Variants in KAZN observed in about 807,000 individuals in gnomAD.
KAZN encodes kazrin, periplakin interacting protein.
A neutral mutation model predicts 87.4 loss-of-function variants in KAZN; 40 were observed. That is an observed-to-expected ratio of 0.46 (90% CI 0.36 to 0.60). The LOEUF (loss-of-function observed/expected upper bound fraction) is 0.60, where lower values mean the gene tolerates loss of function less well. Ranked by LOEUF, KAZN falls within the 20% of genes least tolerant of loss-of-function variation. KAZN has a pLI of 0.00. For synonymous variants in KAZN, 466 were observed against 458.3 expected (o/e 1.02, Z -0.22); for missense variants, 898 against 1,073.9 (o/e 0.84, Z 2.29).
chr1:14,027,055 G>A (rs1056191476), intron 1 of KAZN, among the ~76,000 whole-genome samples: 5 of 152,156 alleles, frequency 3.3e-5, no homozygotes, highest in African/African-American at 7.2e-5. Context: ...CATGAAAACC[G>A]TCTTGACATC....
chr1:14,072,633 G>A (rs978185073), intron 1 of KAZN, among the ~76,000 whole-genome samples: 9 of 152,118 alleles, frequency 5.9e-5, no homozygotes, highest in African/African-American at 2.2e-4. Context: ...GGTGAGAGGC[G>A]GCTGAGGAAA....
intron 2 of KAZN, among the ~76,000 whole-genome samples, chr1:14,211,805 A>G (rs1191864907): frequency 6.6e-6 from 1 of 151,976 alleles, no homozygotes; most frequent in East Asian, 1.9e-4. Flanking sequence ...ACCACTTGTT[A>G]TAGTTCTTAA....
chr1:15,024,541 G>A (rs1670991980), intron 2 of KAZN, among the ~76,000 whole-genome samples: 1 of 152,210 alleles, frequency 6.6e-6, no homozygotes, highest in African/African-American at 2.4e-5. Context: ...TTCAATAGAG[G>A]GCACATGCCA....
At chr1:14,419,156 C>G (rs1157857269) in intron 2 of KAZN, among the ~76,000 whole-genome samples, 1 of 152,204 alleles carries the variant, frequency 6.6e-6, no homozygotes, top group Admixed American at 6.5e-5. Context: ...CCAGCATAAA[C>G]CAGGCACTGT....
At chr1:14,664,325 CGGG>C (rs1639374870) in intron 1 of KAZN, among the ~76,000 whole-genome samples, 1 of 152,030 alleles carries the variant, frequency 6.6e-6, no homozygotes, top group South Asian at 2.1e-4. Context: ...CCCAGCTACT[CGGG>C]AGGCTGAGGC....
At chr1:14,509,237 G>C (rs1435118296) in intron 2 of KAZN, among the ~76,000 whole-genome samples, 1 of 152,170 alleles carries the variant, frequency 6.6e-6, no homozygotes, top group Non-Finnish European at 1.5e-5. Flanking sequence ...ACGTATCATT[G>C]CATTTAGTTT....
At chr1:14,229,974 C>T (rs1424672785) in intron 2 of KAZN, among the ~76,000 whole-genome samples, 1 of 152,252 alleles carries the variant, frequency 6.6e-6, no homozygotes, top group African/African-American at 2.4e-5. Flanking sequence ...CCTCCAGACC[C>T]ACGTTCTCCG....
At chr1:14,440,035 T>G (rs544473282) in intron 2 of KAZN, among the ~76,000 whole-genome samples, 37 of 152,292 alleles carry the variant, frequency 2.4e-4, no homozygotes, top group South Asian at 4.1e-4. Context: ...TCTCCCCCTC[T>G]AAGAGGTTAC....
chr1:14,772,720 G>A (rs570022223), intron 1 of KAZN, among the ~76,000 whole-genome samples: 3 of 152,128 alleles, frequency 2.0e-5, no homozygotes, highest in South Asian at 2.1e-4. Context: ...GCATTTCCAC[G>A]AATATCTAGA....
At chr1:14,414,854 G>A (rs536094892) in intron 2 of KAZN, among the ~76,000 whole-genome samples, 9 of 152,048 alleles carry the variant, frequency 5.9e-5, no homozygotes, top group South Asian at 2.1e-4. Context: ...GTGAAACCCC[G>A]TCTCTACTAA....
At chr1:14,322,127 T>G (rs374587917) in intron 2 of KAZN, among the ~76,000 whole-genome samples, 11 of 152,196 alleles carry the variant, frequency 7.2e-5, no homozygotes, top group African/African-American at 2.6e-4. Context: ...TCTGAAAAAC[T>G]TGGTCTAAAA....
chr1:14,487,689 G>A (rs1480345140), intron 2 of KAZN, among the ~76,000 whole-genome samples: 2 of 152,230 alleles, frequency 1.3e-5, no homozygotes, highest in African/African-American at 2.4e-5. Context: ...AATACCTTTC[G>A]GAGGCTAGAG....
chr1:14,495,496 C>T (rs1198363264), intron 2 of KAZN, among the ~76,000 whole-genome samples: 5 of 152,190 alleles, frequency 3.3e-5, no homozygotes, highest in Admixed American at 6.5e-5. Context: ...GAAATTCATG[C>T]TCCTTTCCTT....
intron 1 of KAZN, among the ~76,000 whole-genome samples, chr1:14,600,798 G>A (rs1026519616): frequency 6.6e-6 from 1 of 152,176 alleles, no homozygotes; most frequent in Non-Finnish European, 1.5e-5. Context: ...TATAGTAAAG[G>A]ACACTGAACA....
chr1:14,274,007 G>T (rs1056150916), intron 2 of KAZN, among the ~76,000 whole-genome samples: 2 of 152,144 alleles, frequency 1.3e-5, no homozygotes, highest in African/African-American at 4.8e-5. Context: ...ATCTGGGAGG[G>T]CTGGAGGTTT....
At chr1:13,997,434 G>A (rs547232740) in intron 1 of KAZN, among the ~76,000 whole-genome samples, 15 of 151,938 alleles carry the variant, frequency 9.9e-5, no homozygotes, top group Admixed American at 6.6e-5. Flanking sequence ...AGCTACGGGG[G>A]CATATTCTAA....
chr1:14,298,158 G>A (rs745584009), intron 2 of KAZN, among the ~76,000 whole-genome samples: 10 of 152,158 alleles, frequency 6.6e-5, no homozygotes, highest in Admixed American at 1.3e-4. Context: ...CCAGGAGGTC[G>A]AGGCTGCAGT....
intron 2 of KAZN, among the ~76,000 whole-genome samples, chr1:15,009,202 G>A (rs1669336872): frequency 6.6e-6 from 1 of 152,194 alleles, no homozygotes. Context: ...AAGACAGGAA[G>A]ATTTTTAAAG....
chr1:14,503,649 A>G (rs1283631573), intron 2 of KAZN, among the ~76,000 whole-genome samples: 2 of 151,416 alleles, frequency 1.3e-5, no homozygotes, highest in Non-Finnish European at 2.9e-5. Context: ...GCTGGCCACC[A>G]TGCTGGACAT....
Sources: allele counts gnomAD v4.1 joint callset (sites outside exome capture counted in the v4.1 genomes callset), GRCh38; gene constraint gnomAD v4.1.1; transcripts MANE v1.5; gene names NCBI Gene and HGNC (gene_info 2026-07-23, HGNC 2026-07-21).